Variants in NXPE2 observed in about 807,000 individuals in gnomAD.
The protein encoded by NXPE2 is NXPE family member 2.
A neutral mutation model predicts 34.4 loss-of-function variants in NXPE2; 34 were observed. That is an observed-to-expected ratio of 0.99 (90% CI 0.75 to 1.31). NXPE2 has a LOEUF of 1.31. Ranked by LOEUF, NXPE2 falls within the 40% of genes most tolerant of loss-of-function variation. The probability of loss-of-function intolerance (pLI) is 0.00; values close to 1 mark genes in which losing one functional copy is unlikely to be tolerated. For missense variants in NXPE2, 649 were observed against 672.5 expected (o/e 0.97, Z 0.39); for synonymous variants, 235 against 231.3 (o/e 1.02, Z -0.15).
the NXPE2 span, among the ~76,000 whole-genome samples, chr11:114,549,118 G>C: frequency 1.3e-5 from 2 of 151,892 alleles, no homozygotes; most frequent in South Asian, 4.2e-4. Flanking sequence ...ATAGAGAATA[G>C]TGAAAAAAGT....
At chr11:114,748,476 C>G in the NXPE2 span, among the ~76,000 whole-genome samples, 2 of 152,214 alleles carry the variant, frequency 1.3e-5, no homozygotes, top group Non-Finnish European at 2.9e-5. Context: ...TTTTCACTGT[C>G]TTGTCTTCCC....
chr11:114,498,203 C>T, the NXPE2 span, among the ~76,000 whole-genome samples: 1 of 151,870 alleles, frequency 6.6e-6, no homozygotes, highest in Non-Finnish European at 1.5e-5. Flanking sequence ...ATTTTGTTTA[C>T]TCTGGTTTTT....
the NXPE2 span, among the ~76,000 whole-genome samples, chr11:114,785,939 A>C: frequency 1.3e-5 from 2 of 152,186 alleles, no homozygotes; most frequent in Admixed American, 6.5e-5. Context: ...TCACTCAGAG[A>C]CACTGGGACA....
the NXPE2 span, among the ~76,000 whole-genome samples, chr11:114,534,421 C>T: frequency 6.6e-6 from 1 of 152,138 alleles, no homozygotes; most frequent in African/African-American, 2.4e-5. Flanking sequence ...AGCAACAGAA[C>T]AAAGCTGGAC....
the NXPE2 span, among the ~76,000 whole-genome samples, chr11:114,474,425 T>C: frequency 3.3e-5 from 5 of 152,198 alleles, no homozygotes; most frequent in African/African-American, 1.2e-4. Flanking sequence ...CCTGATCCTG[T>C]AGGATTAGCC....
chr11:114,695,715 G>A (rs112793399), intron 2 of NXPE2, among the ~76,000 whole-genome samples: 22,384 of 151,954 alleles, frequency 0.15, 1,944 homozygotes, highest in South Asian at 0.2. Context: ...GAAATTGGCC[G>A]GGCACAGTGG....
At chr11:114,722,246 T>C in the NXPE2 span, among the ~76,000 whole-genome samples, 15 of 152,282 alleles carry the variant, frequency 9.9e-5, no homozygotes, top group South Asian at 2.9e-3. Context: ...GTTCTCATGA[T>C]AGTGAGGAAG....
the NXPE2 span, among the ~76,000 whole-genome samples, chr11:114,559,568 A>G: frequency 6.6e-6 from 1 of 152,050 alleles, no homozygotes; most frequent in African/African-American, 2.4e-5. Flanking sequence ...CTCACCGTCA[A>G]AACCAGCCTA....
At chr11:114,503,210 A>G in the NXPE2 span, among the ~76,000 whole-genome samples, 4 of 152,092 alleles carry the variant, frequency 2.6e-5, no homozygotes, top group Non-Finnish European at 4.4e-5. Flanking sequence ...AGATTGCCCT[A>G]TTAATCAGTC....
the NXPE2 span, among the ~76,000 whole-genome samples, chr11:114,803,228 G>T: frequency 2.6e-5 from 4 of 152,150 alleles, no homozygotes; most frequent in Non-Finnish European, 2.9e-5. Context: ...AATAATGAAA[G>T]AATTTATTTC....
At chr11:114,564,902 A>G in the NXPE2 span, among the ~76,000 whole-genome samples, 250 of 152,230 alleles carry the variant, frequency 1.6e-3, no homozygotes, top group African/African-American at 5.5e-3. Context: ...TTATTTCTAT[A>G]CTCTATAAAA....
intron 3 of NXPE2, among the ~76,000 whole-genome samples, chr11:114,699,796 ATT>A (rs11314562): frequency 1.7e-3 from 217 of 129,586 alleles, no homozygotes; most frequent in Middle Eastern, 3.8e-3. Flanking sequence ...CCATTCATTC[ATT>A]TTTTTTTTTT....
the NXPE2 span, among the ~76,000 whole-genome samples, chr11:114,751,515 T>C: frequency 6.6e-6 from 1 of 152,156 alleles, no homozygotes; most frequent in Non-Finnish European, 1.5e-5. Context: ...TCATTTTTAA[T>C]GGGCTGGACA....
the NXPE2 span, among the ~76,000 whole-genome samples, chr11:114,524,329 G>C: frequency 6.6e-6 from 1 of 152,188 alleles, no homozygotes; most frequent in Non-Finnish European, 1.5e-5. Flanking sequence ...ACCATCAGCA[G>C]TTTCTGCTTT....
chr11:114,634,018 G>T, the NXPE2 span, among the ~76,000 whole-genome samples: 2 of 151,954 alleles, frequency 1.3e-5, no homozygotes, highest in African/African-American at 4.8e-5. Flanking sequence ...TCTAGTTCTA[G>T]ATCCCTGAGG....
chr11:114,808,791 C>T, the NXPE2 span, among the ~76,000 whole-genome samples: 145,695 of 152,184 alleles, frequency 0.96, 70,072 homozygotes, highest in Middle Eastern at 1. Context: ...CCATTCCTTC[C>T]GAAACTATTC....
the NXPE2 span, among the ~76,000 whole-genome samples, chr11:114,768,063 A>G: frequency 2.0e-5 from 3 of 152,218 alleles, no homozygotes; most frequent in African/African-American, 7.2e-5. Flanking sequence ...TTAAGTCTTT[A>G]ATCCATCTTG....
At chr11:114,612,055 G>A in the NXPE2 span, among the ~76,000 whole-genome samples, 5 of 151,404 alleles carry the variant, frequency 3.3e-5, no homozygotes, top group African/African-American at 7.3e-5. Context: ...GTGTTGCCTC[G>A]TGGGTAACCA....
the NXPE2 span, among the ~76,000 whole-genome samples, chr11:114,604,557 C>T: frequency 1.3e-5 from 2 of 152,020 alleles, no homozygotes; most frequent in Non-Finnish European, 2.9e-5. Context: ...TGGATAACCA[C>T]TGTTACCTGG....
Sources: allele counts gnomAD v4.1 joint callset (sites outside exome capture counted in the v4.1 genomes callset), GRCh38; gene constraint gnomAD v4.1.1; transcripts MANE v1.5; gene names NCBI Gene and HGNC (gene_info 2026-07-23, HGNC 2026-07-21).